The following ADORA2B variants were observed in gnomAD, a reference collection of about 807,000 sequenced individuals.
ADORA2B encodes adenosine receptor A2b.
A neutral mutation model predicts 20.8 loss-of-function variants in ADORA2B; 18 were observed. The observed-to-expected ratio is 0.87, with a 90% CI of 0.60 to 1.29. ADORA2B has a LOEUF of 1.29. Ranked by LOEUF, ADORA2B falls within the 50% of genes most tolerant of loss-of-function variation. The pLI is 0.00. For synonymous variants in ADORA2B, 179 were observed against 178.3 expected, an observed-to-expected ratio of 1.00 and a Z score of -0.03; for missense variants, 441 against 422.7, an observed-to-expected ratio of 1.04 and a Z score of -0.38.
At chr17:15,893,828 A>T in the ADORA2B span, among the ~76,000 whole-genome samples, 1 of 152,186 alleles carries the variant, frequency 6.6e-6, no homozygotes, top group Non-Finnish European at 1.5e-5. Context: ...ATTTTACTAC[A>T]ATCACCATAA....
the ADORA2B span, among the ~76,000 whole-genome samples, chr17:15,908,972 G>C: frequency 6.6e-6 from 1 of 151,948 alleles, no homozygotes; most frequent in Non-Finnish European, 1.5e-5. Context: ...CAAACAAACA[G>C]CCTCTCCAAA....
upstream of ADORA2B, among the ~76,000 whole-genome samples, chr17:15,941,815 A>G (rs917837904): frequency 2.0e-5 from 3 of 151,718 alleles, no homozygotes; most frequent in African/African-American, 4.8e-5. Context: ...TAACCTGTTA[A>G]TAATAATTAT....
the ADORA2B span, among the ~76,000 whole-genome samples, chr17:15,902,754 T>C: frequency 6.6e-6 from 1 of 151,872 alleles, no homozygotes; most frequent in African/African-American, 2.4e-5. Context: ...AGAGCTGACA[T>C]ACCATTACAA....
At chr17:15,932,804 AT>A in the ADORA2B span, among the ~76,000 whole-genome samples, 1 of 152,164 alleles carries the variant, frequency 6.6e-6, no homozygotes, top group Admixed American at 6.5e-5. Context: ...TCATCAATCT[AT>A]ATGTCTGCCC....
chr17:15,956,805 G>A (rs941452205), intron 1 of ADORA2B, among the ~76,000 whole-genome samples: 7 of 151,972 alleles, frequency 4.6e-5, no homozygotes, highest in Non-Finnish European at 7.4e-5. Flanking sequence ...TCACCATGCT[G>A]GTCAGGCTGG....
At chr17:15,908,926 C>T in the ADORA2B span, among the ~76,000 whole-genome samples, 1 of 151,782 alleles carries the variant, frequency 6.6e-6, no homozygotes. Flanking sequence ...TTGCTAATTA[C>T]ATTGGGTGAA....
At chr17:15,936,179 T>C in the ADORA2B span, among the ~76,000 whole-genome samples, 4 of 152,062 alleles carry the variant, frequency 2.6e-5, no homozygotes, top group African/African-American at 9.7e-5. Context: ...CCACCACACC[T>C]GGCCTGTTAT....
the ADORA2B span, among the ~76,000 whole-genome samples, chr17:15,858,575 A>ATATG: frequency 6.6e-6 from 1 of 152,274 alleles, no homozygotes; most frequent in East Asian, 1.9e-4. Flanking sequence ...TGCATATATT[A>ATATG]CCTATTTGAA....
At chr17:15,855,227 G>A in the ADORA2B span, among the ~76,000 whole-genome samples, 123 of 152,244 alleles carry the variant, frequency 8.1e-4, no homozygotes, top group Non-Finnish European at 1.4e-3. Context: ...CACCACACCC[G>A]ACCAGATTTA....
the ADORA2B span, among the ~76,000 whole-genome samples, chr17:15,854,097 A>C: frequency 1.3e-5 from 2 of 152,202 alleles, no homozygotes; most frequent in African/African-American, 4.8e-5. Context: ...CTGGTATTAC[A>C]GCCATGCACC....
At chr17:15,899,843 T>C in the ADORA2B span, among the ~76,000 whole-genome samples, 1 of 152,004 alleles carries the variant, frequency 6.6e-6, no homozygotes, top group Non-Finnish European at 1.5e-5. Context: ...TTTTTCTTTT[T>C]TTTTTTTGAG....
the ADORA2B span, among the ~76,000 whole-genome samples, chr17:15,934,600 G>A: frequency 6.6e-6 from 1 of 151,952 alleles, no homozygotes; most frequent in Non-Finnish European, 1.5e-5. Context: ...GTATTATCTA[G>A]TGTACCTTTT....
chr17:15,937,381 A>G, the ADORA2B span, among the ~76,000 whole-genome samples: 11 of 152,266 alleles, frequency 7.2e-5, no homozygotes, highest in East Asian at 2.1e-3. Flanking sequence ...GCCTTTGCAA[A>G]AGGACTTAGT....
intron 1 of ADORA2B, among the ~76,000 whole-genome samples, chr17:15,962,821 G>A (rs544295932): frequency 6.6e-6 from 1 of 152,272 alleles, no homozygotes; most frequent in South Asian, 2.1e-4. Flanking sequence ...CCCGGCCCCT[G>A]TTATTTATTT....
chr17:15,949,498 G>A (rs1466134486), intron 1 of ADORA2B, among the ~76,000 whole-genome samples: 8 of 152,020 alleles, frequency 5.3e-5, no homozygotes, highest in Non-Finnish European at 1.5e-5. Context: ...GGGCAACAGA[G>A]TGAGACTGTG....
chr17:15,856,002 T>G, the ADORA2B span, among the ~76,000 whole-genome samples: 1 of 152,010 alleles, frequency 6.6e-6, no homozygotes, highest in Non-Finnish European at 1.5e-5. Context: ...CTTCTCTGAG[T>G]TTGACTACTT....
chr17:15,866,688 TCTG>T, the ADORA2B span, among the ~76,000 whole-genome samples: 2,423 of 78,804 alleles, frequency 0.031, 32 homozygotes, highest in Admixed American at 0.071. Flanking sequence ...TGGCTCTCCC[TCTG>T]CCTCTGCCTC....
chr17:15,933,234 C>T, the ADORA2B span, among the ~76,000 whole-genome samples: 6 of 152,152 alleles, frequency 3.9e-5, no homozygotes, highest in East Asian at 1.9e-4. Context: ...GGATTACAGG[C>T]GTGAGCCACT....
At chr17:15,960,995 GTC>G (rs1970030178) in intron 1 of ADORA2B, among the ~76,000 whole-genome samples, 2 of 150,332 alleles carry the variant, frequency 1.3e-5, no homozygotes. Flanking sequence ...GTGAAACCCC[GTC>G]TCTACTAAAA....
Sources: allele counts gnomAD v4.1 joint callset (sites outside exome capture counted in the v4.1 genomes callset), GRCh38; gene constraint gnomAD v4.1.1; transcripts MANE v1.5; gene names NCBI Gene and HGNC (gene_info 2026-07-23, HGNC 2026-07-21).